The following CTNNBIP1 variants were observed in gnomAD, a reference collection of about 807,000 sequenced individuals.
CTNNBIP1 encodes the protein catenin beta interacting protein 1.
Under a neutral mutation model 11.8 loss-of-function variants are expected in CTNNBIP1, and 7 were observed. The ratio of observed to expected loss-of-function variants is 0.60; its 90% confidence interval spans 0.34 to 1.12. CTNNBIP1 has a LOEUF of 1.12. CTNNBIP1 is among the 50% of genes most tolerant of loss of function. CTNNBIP1 has a pLI of 0.03. For synonymous variants in CTNNBIP1, 58 were observed against 43.9 expected (o/e 1.32, Z -1.26); for missense variants, 101 against 113.4 (o/e 0.89, Z 0.50).
chr1:9,892,416 C>A (rs574176674), intron 1 of CTNNBIP1, among the ~76,000 whole-genome samples: 1 of 139,498 alleles, frequency 7.2e-6, no homozygotes, highest in African/African-American at 2.9e-5. Context: ...AGCGAGACTC[C>A]GTCTAAAAAA....
At chr1:9,865,208 A>G (rs571365779) in intron 5 of CTNNBIP1, among the ~76,000 whole-genome samples, 2,487 of 148,604 alleles carry the variant, frequency 0.017, 57 homozygotes, top group African/African-American at 0.057. Context: ...CAGCCTGGGC[A>G]ACAGAGTGAG....
chr1:9,870,223 C>T (rs889092372), intron 5 of CTNNBIP1, among the ~76,000 whole-genome samples: 2 of 152,230 alleles, frequency 1.3e-5, no homozygotes, highest in Admixed American at 1.3e-4. Context: ...TTCGGGGGCC[C>T]GCTCGCGTCT....
intron 1 of CTNNBIP1, among the ~76,000 whole-genome samples, chr1:9,908,367 ATTCTT>A (rs1480165510): frequency 1.7e-5 from 2 of 119,546 alleles, no homozygotes; most frequent in Admixed American, 2.0e-4. Context: ...TGATCCACAG[ATTCTT>A]TTTTTTTTTT....
rs556967147 is a variant in CTNNBIP1, at chr1:9,895,969, T to A, written c.-143-12231A>T. 2.0e-5 allele frequency among the ~76,000 whole-genome samples: 3 copies of A among 152,292 alleles called. No individual in the cohort carries two copies. The East Asian group carries it at 5.8e-4, about 29-fold the overall frequency. ...TATTGACCAAGTAGTATCTTTGATA[T>A]CCACCCCATATCCAAATTTCCCCAA... On this transcript the variant is annotated intron_variant, in intron 1 of 5. Transcript: ENST00000377263.
chr1:9,890,243 A>C (rs2101525090), intron 1 of CTNNBIP1, among the ~76,000 whole-genome samples: 1 of 152,196 alleles, frequency 6.6e-6, no homozygotes, highest in Admixed American at 6.5e-5. Flanking sequence ...AAAACAATGC[A>C]AACAGGAAGG....
chr1:9,894,957 G>A (rs1639380885), intron 1 of CTNNBIP1, among the ~76,000 whole-genome samples: 1 of 147,436 alleles, frequency 6.8e-6, no homozygotes, highest in Non-Finnish European at 1.5e-5. Flanking sequence ...CCTCAGGCTG[G>A]AGTGCAGTGG....
rs1365589236 is a variant in CTNNBIP1, at chr1:9,871,209, C to T, written c.165G>A (p.Leu55=). Residue 55 remains leucine, a synonymous_variant, in exon 5 of 6, where the codon CTG becomes CTA. Transcript: ENST00000377263. The surrounding 1 kb of genome is among the most constrained non-coding windows in gnomAD (Gnocchi z 5.2). ...AGVVNSQLSQ[L]PPHSIDQGAE... ...CACCCTGGTCGATGGAGTGCGGAGG[C>T]AGCTGGCTGAGCTGGCTGTTGACCA... is the stretch of plus-strand genomic sequence containing the variant. 12 of 1,578,984 alleles carry T rather than the reference C, an allele frequency of 7.6e-6. No individual in the cohort carries two copies. The highest frequency in any genetic ancestry group is 9.5e-6 in the Non-Finnish European group (11 of 1,163,060).
chr1:9,903,319 T>C (rs748643945), intron 1 of CTNNBIP1, among the ~76,000 whole-genome samples: 1 of 151,740 alleles, frequency 6.6e-6, no homozygotes, highest in Non-Finnish European at 1.5e-5. Flanking sequence ...CCATTGGGGG[T>C]CCTCAATCAT....
Position 9,850,661 on chromosome 1 carries a change from A to T in CTNNBIP1, c.*57T>A. The T allele has an allele frequency of 6.5e-7, 1 of 1,539,520 alleles. No homozygotes were observed. The highest frequency in any genetic ancestry group is 9.0e-7 in the Non-Finnish European group (1 of 1,112,304). On this transcript the variant is annotated 3_prime_UTR_variant, in exon 6 of 6. Coordinates refer to ENST00000377263, the MANE Select transcript of CTNNBIP1 (RefSeq NM_020248.3). Reference sequence around the variant, plus strand: ...GCTGCTGCCACTCAGCCGGCCCAGGAGCCACACAGATCTCTTGGCCCTCAA... The same window carrying T: ...GCTGCTGCCACTCAGCCGGCCCAGGTGCCACACAGATCTCTTGGCCCTCAA...
chr1:9,857,175 A>T (rs1017438907), intron 5 of CTNNBIP1, among the ~76,000 whole-genome samples: 2 of 151,698 alleles, frequency 1.3e-5, no homozygotes, highest in East Asian at 3.9e-4. Flanking sequence ...AAAGTGGAGA[A>T]AACCCCAATT....
intron 5 of CTNNBIP1, among the ~76,000 whole-genome samples, chr1:9,857,560 G>A (rs1043810033): frequency 1.3e-5 from 2 of 151,798 alleles, no homozygotes; most frequent in Non-Finnish European, 2.9e-5. Context: ...CTGCACTTTG[G>A]GAGGCCGAGG....
chr1:9,850,927 C>G, intron 5 of CTNNBIP1, 151 bp from the exon 6 acceptor site: 1 of 742,208 alleles, frequency 1.3e-6, no homozygotes, highest in South Asian at 1.5e-5. Flanking sequence ...AGTCTTCCTC[C>G]CCTCTGGTCT....
chr1:9,908,787 T>C (rs552831771), intron 1 of CTNNBIP1, among the ~76,000 whole-genome samples: 30 of 152,330 alleles, frequency 2.0e-4, no homozygotes, highest in African/African-American at 6.5e-4. Flanking sequence ...AAATGTCATC[T>C]CTGAGGAGGG....
rs557458353 is a variant in CTNNBIP1 at position 9,901,204 on chromosome 1, T to A, written c.-144+8891A>T. On this transcript the variant is annotated intron_variant, in intron 1 of 5. Transcript: ENST00000377263. ...GTTCAGAAACAGGTCTCATTTCATATTCCTGCAGCAGAAGGATATTTAGGA... is the reference window on the plus strand; with the variant it reads ...GTTCAGAAACAGGTCTCATTTCATAATCCTGCAGCAGAAGGATATTTAGGA... 1.2e-4 allele frequency among the ~76,000 whole-genome samples: 18 copies of A among 152,346 alleles called. No homozygotes were observed. The South Asian group carries it at 3.7e-3, about 32-fold the overall frequency.
chr1:9,895,536 G>A (rs186105268), intron 1 of CTNNBIP1, among the ~76,000 whole-genome samples: 8 of 145,720 alleles, frequency 5.5e-5, no homozygotes, highest in African/African-American at 1.8e-4. Context: ...TTGCTCTGTC[G>A]CCAGGCTAGA....
chr1:9,886,109 C>A (rs1639183244), intron 1 of CTNNBIP1, among the ~76,000 whole-genome samples: 1 of 152,102 alleles, frequency 6.6e-6, no homozygotes, highest in East Asian at 1.9e-4. Context: ...AATTCAAAGG[C>A]TTTTAATACC....
Position 9,848,450 on chromosome 1 carries a change from A to T in CTNNBIP1, c.*2268T>A, listed in dbSNP as rs561879558. On this transcript the variant is annotated 3_prime_UTR_variant, in exon 6 of 6. Transcript: ENST00000377263. This position sits in a 1 kb window ranked among gnomAD's most constrained non-coding sequence, Gnocchi z 4.3. ...GTGACAAGGACAGGCTGGGGCAGAG[A>T]CCACACACTCAACCAGGTATCCACC... 6.6e-6 allele frequency: 1 copy of T among 152,316 alleles called. No individual in the cohort carries two copies. Among genetic ancestry groups the T allele is most frequent in the East Asian group, 1.9e-4 (1 of 5,176 alleles). 9.4% of individuals were successfully genotyped at this position (152,316 alleles called of 1,614,324 possible).
chr1:9,884,909 A>G (rs1435186240), intron 1 of CTNNBIP1, among the ~76,000 whole-genome samples: 1 of 152,064 alleles, frequency 6.6e-6, no homozygotes, highest in Non-Finnish European at 1.5e-5. Flanking sequence ...GCTGCAGGCC[A>G]GCACTGGGGT....
At position 9,848,297 on chromosome 1, in the gene CTNNBIP1, GTTAAT is replaced by G. The variant is rs1638305412; in HGVS notation, c.*2416_*2420del. On this transcript the variant is annotated 3_prime_UTR_variant, in exon 6 of 6. Transcript: ENST00000377263. The surrounding 1 kb of genome is among the most constrained non-coding windows in gnomAD (Gnocchi z 4.3). ...CACGAACCTATGAAAATTCTTTATT[GTTAAT>G]TTCTTTCTCCAACAGATATATTTTT... 1 of 152,200 alleles carries G rather than the reference GTTAAT, an allele frequency of 6.6e-6. No individual in the cohort carries two copies. The allele number at this position is 152,200 out of a possible 1,614,324, so 9.4% of individuals were successfully genotyped here. A position where few individuals can be genotyped will look rare whatever the true frequency, so the allele number is the denominator to read the frequency against.
Sources: gnomAD v4.1 joint callset for allele counts (sites outside exome capture counted in the v4.1 genomes callset) on GRCh38, gnomAD v4.1.1 for gene constraint, Gnocchi (gnomAD v3.1) non-coding constraint, MANE v1.5 for transcripts, NCBI Gene and HGNC (gene_info 2026-07-23, HGNC 2026-07-21) for gene names.